Variants in PRXL2C observed in about 807,000 individuals in gnomAD.
The protein encoded by PRXL2C is peroxiredoxin-like 2C.
PRXL2C carries 38 observed loss-of-function variants against 24.9 expected under a neutral mutation model. That is an observed-to-expected ratio of 1.53 (90% CI 1.18 to 2.00). The LOEUF is 2.00. Among genes scored for constraint, PRXL2C ranks in the 30% most tolerant of loss-of-function variants. The pLI is 0.00. For missense variants in PRXL2C, 294 were observed against 290.9 expected (o/e 1.01, Z -0.08); for synonymous variants, 98 against 117.2 (o/e 0.84, Z 1.06).
intron 4 of PRXL2C, among the ~76,000 whole-genome samples, chr9:96,647,508 G>C (rs1848212496): frequency 6.6e-6 from 1 of 152,102 alleles, no homozygotes. Context: ...ATAGAGACTT[G>C]AGTAAAAGAT....
chr9:96,643,002 A>C (rs1197455252), intron 5 of PRXL2C, among the ~76,000 whole-genome samples: 1 of 152,176 alleles, frequency 6.6e-6, no homozygotes, highest in East Asian at 1.9e-4. Flanking sequence ...TTCCCTAAAT[A>C]GTACAGTACA....
intron 5 of PRXL2C, 137 bp downstream of exon 5, chr9:96,645,756 C>G: frequency 2.1e-6 from 2 of 971,888 alleles, no homozygotes; most frequent in Non-Finnish European, 2.9e-6. Context: ...GAGATTGCGC[C>G]ACTGCACTCC....
intron 4 of PRXL2C, among the ~76,000 whole-genome samples, chr9:96,648,272 A>G (rs1187693127): frequency 6.6e-6 from 1 of 152,178 alleles, no homozygotes; most frequent in Non-Finnish European, 1.5e-5. Context: ...TCAACTTGAG[A>G]TTCCATAGCC....
At chr9:96,642,941 T>C (rs903926198) in intron 5 of PRXL2C, among the ~76,000 whole-genome samples, 1 of 152,210 alleles carries the variant, frequency 6.6e-6, no homozygotes, top group Non-Finnish European at 1.5e-5. Context: ...AAAAAAAGGA[T>C]AGCTGCATAT....
chr9:96,651,487 G>A lies in PRXL2C; in HGVS notation c.324C>T (p.Cys108=), dbSNP rs781143751. ...TTTCATGAGAATATCCAGTCAGCTTGCAAAAAGGCTGAAAAGAGAGAATGG... is the reference window on the plus strand; with the variant it reads ...TTTCATGAGAATATCCAGTCAGCTTACAAAAAGGCTGAAAAGAGAGAATGG... The part of the protein sequence containing the change: ...QSSYHHIEPF[C]KLTGYSHEIY... The change falls in exon 4 of 6, where the codon TGC becomes TGT. Residue 108 remains cysteine, a synonymous_variant. Transcript: ENST00000375234. 6.2e-7 allele frequency: 1 copy of A among 1,608,546 alleles called. No homozygotes were observed. Among genetic ancestry groups the A allele is most frequent in the Non-Finnish European group, 8.5e-7 (1 of 1,178,344 alleles).
Position 96,654,728 on chromosome 9 carries a change from T to G in PRXL2C, c.238A>C (p.Lys80Gln). 6.4e-7 allele frequency: 1 copy of G among 1,566,500 alleles called. No individual in the cohort carries two copies. Among genetic ancestry groups the G allele is most frequent in the South Asian group, 1.2e-5 (1 of 85,034 alleles). ...ACTTGTAAGAAACTCCTGGGGATTT[T>G]GGCCAGATCCTCTACGTATTCCTTG... is the stretch of plus-strand genomic sequence containing the variant. ...ICKEYVEDLA[K>Q]IPRSFLQEAN... Residue 80 changes from lysine (K) to glutamine (Q), a missense_variant, in exon 2 of 6, where the codon AAA becomes CAA. Lys to Gln is a moderately conservative substitution (Grantham distance 53). Transcript: ENST00000375234.
chr9:96,650,776 A>C (rs973413685), intron 4 of PRXL2C, among the ~76,000 whole-genome samples: 2 of 152,208 alleles, frequency 1.3e-5, no homozygotes, highest in East Asian at 3.9e-4. Context: ...TGAGGTAAAC[A>C]CTACCATATC....
intron 5 of PRXL2C, among the ~76,000 whole-genome samples, chr9:96,645,609 A>G (rs903420315): frequency 5.9e-5 from 9 of 151,926 alleles, no homozygotes; most frequent in Non-Finnish European, 1.0e-4. Context: ...CATCCTGGCT[A>G]ACACGGTGAA....
intron 2 of PRXL2C, among the ~76,000 whole-genome samples, chr9:96,653,094 CG>C (rs1488328808): frequency 5.3e-5 from 8 of 152,058 alleles, no homozygotes; most frequent in African/African-American, 1.9e-4. Context: ...GGCGTGGTGG[CG>C]GGCGCCTGTT....
In PRXL2C at chr9:96,646,119, T is replaced by C; in HGVS notation, c.422-95A>G. On this transcript the variant is annotated intron_variant, in intron 4 of 5. Transcript: ENST00000375234. ...CTAGAAAACATTCTCTTTCTTCCTT[T>C]AAAGAATGGTTTCTCAATCTTTTAC... is the stretch of plus-strand genomic sequence containing the variant. 4 of 1,309,406 alleles carry C rather than the reference T, an allele frequency of 3.1e-6. No individual in the cohort carries two copies. In the East Asian group the frequency reaches 1.0e-4, roughly 34 times the overall value. 81.1% of individuals were successfully genotyped at this position (1,309,406 alleles called of 1,614,324 possible).
At chr9:96,644,647 G>A (rs1424996217) in intron 5 of PRXL2C, among the ~76,000 whole-genome samples, 4 of 151,750 alleles carry the variant, frequency 2.6e-5, no homozygotes, top group Non-Finnish European at 2.9e-5. Flanking sequence ...CACCACGCCC[G>A]GCTAATTTTT....
In PRXL2C at chr9:96,641,633, T is replaced by C. The variant is rs1053291542; in HGVS notation, c.*126A>G. On this transcript the variant is annotated 3_prime_UTR_variant, in exon 6 of 6. Transcript: ENST00000375234. ...ATTCAACAGGTTCAAGCCCCCTTTA[T>C]GCTTCCCTAACTCCTCAAAGGCTGG... 7 of 972,686 alleles carry C rather than the reference T, an allele frequency of 7.2e-6. No homozygotes were observed. Among genetic ancestry groups the C allele is most frequent in the Admixed American group, 3.2e-5 (1 of 31,400 alleles). 60.3% of individuals were successfully genotyped at this position (972,686 alleles called of 1,614,324 possible).
At position 96,655,242 on chromosome 9, in the gene PRXL2C, C is replaced by T; in HGVS notation, c.40G>A (p.Ala14Thr). 1.8e-6 allele frequency: 2 copies of T among 1,125,144 alleles called. No individual in the cohort carries two copies. Among genetic ancestry groups the T allele is most frequent in the Non-Finnish European group, 1.1e-6 (1 of 920,812 alleles). 69.7% of individuals were successfully genotyped at this position (1,125,144 alleles called of 1,614,324 possible). Residue 14 changes from alanine to threonine, a missense_variant, in exon 1 of 6, where the codon GCC becomes ACC. Transcript: ENST00000375234. ...CTCGGGGCCGGGACCAGGGCGGCGG[C>T]GCCGCTAACCTGCCGCGTGACCGGG... The part of the protein sequence containing the change: ...PAPVTRQVSG[A>T]AALVPAPSGP...
At position 96,655,168 on chromosome 9, in the gene PRXL2C, C is replaced by G. The variant is rs1341391989; in HGVS notation, c.114G>C (p.Pro38=). 1 of 1,236,652 alleles carries G rather than the reference C, an allele frequency of 8.1e-7. No homozygotes were observed. The allele number at this position is 1,236,652 out of a possible 1,614,324, so 76.6% of individuals were successfully genotyped here. ...QPLAAAVAEL[P]VLDARGQRVP... is the part of the protein sequence containing the mutation. Reference sequence around the variant, plus strand: ...CCCGCTGCCCGCGGGCGTCCAGCACCGGCAGCTCGGCCACGGCGGCCGCCA... The same window carrying G: ...CCCGCTGCCCGCGGGCGTCCAGCACGGGCAGCTCGGCCACGGCGGCCGCCA... The change falls in exon 1 of 6, where the codon CCG becomes CCC. Residue 38 remains proline, a synonymous_variant. Coordinates refer to ENST00000375234, the MANE Select transcript of PRXL2C (RefSeq NM_153698.2).
Position 96,640,734 on chromosome 9 carries a change from A to C in PRXL2C, c.*1025T>G, listed in dbSNP as rs1848102779. On this transcript the variant is annotated 3_prime_UTR_variant, in exon 6 of 6. Coordinates refer to ENST00000375234, the MANE Select transcript of PRXL2C (RefSeq NM_153698.2). ...GTAGTCCCAGCTACTCGGGAGGCTG[A>C]GGCAGGAGAATGGCGTGAACCCGGG... The C allele has an allele frequency of 6.7e-6, 1 of 148,538 alleles. No homozygotes were observed. The highest frequency in any genetic ancestry group is 2.5e-5 in the African/African-American group (1 of 40,114). 9.2% of individuals were successfully genotyped at this position (148,538 alleles called of 1,614,324 possible).
chr9:96,646,672 T>C (rs902346088), intron 4 of PRXL2C, among the ~76,000 whole-genome samples: 1 of 152,214 alleles, frequency 6.6e-6, no homozygotes, highest in Non-Finnish European at 1.5e-5. Context: ...GATTCTCATA[T>C]TCCTTCTACA....
At position 96,655,163 on chromosome 9, in the gene PRXL2C, A is replaced by G; in HGVS notation, c.119T>C (p.Leu40Pro). The G allele has an allele frequency of 2.4e-6, 3 of 1,243,670 alleles. No individual in the cohort carries two copies. Among genetic ancestry groups the G allele is most frequent in the Non-Finnish European group, 3.0e-6 (3 of 996,706 alleles). The allele number at this position is 1,243,670 out of a possible 1,614,324, so 77.0% of individuals were successfully genotyped here. A position where few individuals can be genotyped will look rare whatever the true frequency, so the allele number is the denominator to read the frequency against. ...LAAAVAELPV[L>P]DARGQRVPFG... The stretch of plus-strand genomic sequence containing the variant: ...CGGTACCCGCTGCCCGCGGGCGTCC[A>G]GCACCGGCAGCTCGGCCACGGCGGC... Residue 40 changes from leucine to proline, a missense_variant, in exon 1 of 6, where the codon CTG (leucine) becomes CCG (proline). Coordinates refer to ENST00000375234, the MANE Select transcript of PRXL2C (RefSeq NM_153698.2).
chr9:96,651,618 C>A, intron 3 of PRXL2C, 41 bp downstream of exon 3: 2 of 1,577,282 alleles, frequency 1.3e-6, no homozygotes, highest in Non-Finnish European at 1.7e-6. Context: ...ATGTCTGAAA[C>A]AGATTTTATT....
intron 2 of PRXL2C, among the ~76,000 whole-genome samples, chr9:96,653,169 G>C (rs1169400781): frequency 6.6e-6 from 1 of 151,834 alleles, no homozygotes; most frequent in Non-Finnish European, 1.5e-5. Context: ...GGAGCTTGCA[G>C]TGAGCTGAGA....
Sources: gnomAD v4.1 joint callset for allele counts (sites outside exome capture counted in the v4.1 genomes callset) on GRCh38, gnomAD v4.1.1 for gene constraint, MANE v1.5 for transcripts, NCBI Gene and HGNC (gene_info 2026-07-23, HGNC 2026-07-21) for gene names.